UNC5D: variants seen among roughly 807,000 people sequenced by gnomAD.
The protein encoded by UNC5D is netrin receptor UNC5D.
In UNC5D, 39 loss-of-function variants were observed where a neutral mutation model predicts 105.4. The observed-to-expected ratio is 0.37, with a 90% CI of 0.29 to 0.48. The LOEUF (loss-of-function observed/expected upper bound fraction) is 0.48. UNC5D is among the 20% of genes least tolerant of loss of function. UNC5D has a pLI of 0.98. For missense variants in UNC5D, 991 were observed against 1,202.4 expected, an observed-to-expected ratio of 0.82 and a Z score of 2.60; for synonymous variants, 452 against 450.4, an observed-to-expected ratio of 1.00 and a Z score of -0.04.
chr8:35,315,961 T>C (rs1408429165), intron 1 of UNC5D, among the ~76,000 whole-genome samples: 1 of 152,228 alleles, frequency 6.6e-6, no homozygotes, highest in Admixed American at 6.5e-5. Flanking sequence ...TGGAGAGCCA[T>C]TGAAAAATGA....
intron 1 of UNC5D, among the ~76,000 whole-genome samples, chr8:35,393,765 C>T (rs1803927644): frequency 6.6e-6 from 1 of 152,082 alleles, no homozygotes; most frequent in African/African-American, 2.4e-5. Flanking sequence ...TTTTTCATTA[C>T]CATAAGGTCT....
chr8:35,413,285 GTGTGTGT>G lies in UNC5D; in HGVS notation c.104-135999_104-135993del, dbSNP rs1242511068. Reference sequence around the variant, plus strand: ...TGTGTGTGTGTGTGTGTGTGTGTGTGTGTGTGTTGTGTGTGTGTGTGTGTTTTCTCTC... The same window carrying G: ...TGTGTGTGTGTGTGTGTGTGTGTGTGTGTGTGTGTGTGTGTGTTTTCTCTC... On this transcript the variant is annotated intron_variant, in intron 1 of 16. Coordinates refer to ENST00000404895, the MANE Select transcript of UNC5D (RefSeq NM_080872.4). Among the ~76,000 whole-genome samples the G allele has an allele frequency of 8.1e-4, 13 of 16,024 alleles. No individual in the cohort carries two copies. In the East Asian group the frequency reaches 0.015, roughly 19 times the overall value. The allele number at this position is 16,024 out of a possible 152,430, so 10.5% of individuals were successfully genotyped here.
At chr8:35,743,986 GTAAAT>G (rs1829888897) in intron 11 of UNC5D, among the ~76,000 whole-genome samples, 1 of 152,212 alleles carries the variant, frequency 6.6e-6, no homozygotes, top group Admixed American at 6.5e-5. Flanking sequence ...GTCCTTGAGA[GTAAAT>G]TAAAGTCCAA....
chr8:35,394,729 A>G (rs1315276949), intron 1 of UNC5D, among the ~76,000 whole-genome samples: 2 of 152,202 alleles, frequency 1.3e-5, no homozygotes, highest in African/African-American at 4.8e-5. Flanking sequence ...TCCAGCTTCA[A>G]TGTCATCTCA....
intron 1 of UNC5D, among the ~76,000 whole-genome samples, chr8:35,243,716 T>C (rs892775648): frequency 6.6e-6 from 1 of 152,162 alleles, no homozygotes; most frequent in Non-Finnish European, 1.5e-5. Flanking sequence ...TCCCAAGCGG[T>C]TGGATCCTTA....
At chr8:35,420,445 T>C (rs1805820719) in intron 1 of UNC5D, among the ~76,000 whole-genome samples, 1 of 152,186 alleles carries the variant, frequency 6.6e-6, no homozygotes, top group Non-Finnish European at 1.5e-5. Context: ...TAAAGGTGAT[T>C]GCCAATGCGG....
At chr8:35,456,074 T>C in intron 1 of UNC5D, among the ~76,000 whole-genome samples, 1 of 152,190 alleles carries the variant, frequency 6.6e-6, no homozygotes, top group East Asian at 1.9e-4. Flanking sequence ...CTACTTGGCC[T>C]GCCTAATTCA....
intron 8 of UNC5D, among the ~76,000 whole-genome samples, chr8:35,709,839 T>C (rs1172716858): frequency 2.0e-5 from 3 of 152,218 alleles, no homozygotes; most frequent in South Asian, 2.1e-4. Context: ...GGGAGTTTGG[T>C]TGGAGTCTCT....
At chr8:35,599,250 A>G (rs1298515885) in intron 4 of UNC5D, among the ~76,000 whole-genome samples, 2 of 151,406 alleles carry the variant, frequency 1.3e-5, no homozygotes, top group African/African-American at 4.9e-5. Context: ...CATTGGTCAA[A>G]GGGTACAATA....
At chr8:35,347,436 C>T (rs187327812) in intron 1 of UNC5D, among the ~76,000 whole-genome samples, 3 of 152,006 alleles carry the variant, frequency 2.0e-5, no homozygotes, top group African/African-American at 2.4e-5. Flanking sequence ...AAATGTGTGT[C>T]GTTATTTTCA....
chr8:35,639,992 T>C (rs1425922805), intron 4 of UNC5D, among the ~76,000 whole-genome samples: 1 of 152,070 alleles, frequency 6.6e-6, no homozygotes, highest in Non-Finnish European at 1.5e-5. Context: ...CCCAAAGTAT[T>C]GGGATTACAG....
chr8:35,503,903 G>A (rs892613431), intron 1 of UNC5D, among the ~76,000 whole-genome samples: 5 of 152,096 alleles, frequency 3.3e-5, no homozygotes, highest in South Asian at 2.1e-4. Flanking sequence ...CTGAGTGCCC[G>A]GCACAGTGCT....
At chr8:35,274,947 T>G (rs973375955) in intron 1 of UNC5D, among the ~76,000 whole-genome samples, 2 of 151,780 alleles carry the variant, frequency 1.3e-5, no homozygotes, top group Admixed American at 6.6e-5. Flanking sequence ...AAAAATTGGC[T>G]GGGCGTAGTG....
intron 13 of UNC5D, among the ~76,000 whole-genome samples, chr8:35,753,092 G>T (rs1391376870): frequency 2.0e-5 from 3 of 152,058 alleles, no homozygotes; most frequent in Non-Finnish European, 4.4e-5. Flanking sequence ...TTCTACCATG[G>T]CTCCACTGTT....
intron 1 of UNC5D, among the ~76,000 whole-genome samples, chr8:35,444,085 A>G (rs746501941): frequency 2.0e-5 from 3 of 152,044 alleles, no homozygotes; most frequent in Non-Finnish European, 2.9e-5. Flanking sequence ...TGTTAAAAGT[A>G]TTTGGGGGAA....
At chr8:35,243,328 C>T (rs191617820) in intron 1 of UNC5D, among the ~76,000 whole-genome samples, 29 of 152,218 alleles carry the variant, frequency 1.9e-4, no homozygotes, top group African/African-American at 5.5e-4. Flanking sequence ...ATTCTGAGGG[C>T]GCCGTCCTGA....
intron 1 of UNC5D, among the ~76,000 whole-genome samples, chr8:35,422,006 C>G (rs1232298307): frequency 1.3e-5 from 2 of 152,118 alleles, no homozygotes; most frequent in Non-Finnish European, 2.9e-5. Context: ...TTAAGAGAAT[C>G]TTTTTTCAAC....
chr8:35,383,471 A>G (rs561127698), intron 1 of UNC5D, among the ~76,000 whole-genome samples: 1 of 152,336 alleles, frequency 6.6e-6, no homozygotes, highest in South Asian at 2.1e-4. Context: ...CTTTGAGCCT[A>G]TAGAGGAAAA....
chr8:35,693,197 CTA>C (rs1033776204), intron 7 of UNC5D, among the ~76,000 whole-genome samples: 29 of 152,178 alleles, frequency 1.9e-4, no homozygotes, highest in African/African-American at 7.0e-4. Context: ...GCTTTAAAAA[CTA>C]TTTTTTTTAC....
Sources: gnomAD v4.1 joint callset for allele counts (sites outside exome capture counted in the v4.1 genomes callset) on GRCh38, gnomAD v4.1.1 for gene constraint, MANE v1.5 for transcripts, NCBI Gene and HGNC (gene_info 2026-07-23, HGNC 2026-07-21) for gene names.